PPARGC1A: variants seen among roughly 807,000 people sequenced by gnomAD.
The protein encoded by PPARGC1A is peroxisome proliferator-activated receptor gamma coactivator 1-alpha.
A neutral mutation model predicts 88.7 loss-of-function variants in PPARGC1A; 25 were observed. The observed-to-expected ratio is 0.28, with a 90% CI of 0.21 to 0.39. PPARGC1A has a LOEUF of 0.39. Ranked by LOEUF, PPARGC1A falls within the 10% of genes least tolerant of loss-of-function variation. PPARGC1A has a pLI of 1.00. For synonymous variants in PPARGC1A, 363 were observed against 355.6 expected, an observed-to-expected ratio of 1.02 and a Z score of -0.24; for missense variants, 880 against 968.7, an observed-to-expected ratio of 0.91 and a Z score of 1.22.
chr4:24,114,494 G>A, the PPARGC1A span, among the ~76,000 whole-genome samples: 1 of 152,188 alleles, frequency 6.6e-6, no homozygotes, highest in Admixed American at 6.5e-5. Context: ...CAGACAGTGT[G>A]GTAAGTGAGT....
intron 2 of PPARGC1A, among the ~76,000 whole-genome samples, chr4:23,860,992 A>G (rs185487006): frequency 1.3e-5 from 2 of 152,184 alleles, no homozygotes; most frequent in Admixed American, 6.5e-5. Flanking sequence ...TCTTCATCCA[A>G]TCAGCAGTAC....
the PPARGC1A span, among the ~76,000 whole-genome samples, chr4:24,088,134 A>G: frequency 0.082 from 12,557 of 152,208 alleles, 588 homozygotes; most frequent in East Asian, 0.17. Flanking sequence ...GGATCACTTG[A>G]GCCCAGGAGT....
chr4:24,364,968 C>T, the PPARGC1A span, among the ~76,000 whole-genome samples: 1 of 151,866 alleles, frequency 6.6e-6, no homozygotes, highest in African/African-American at 2.4e-5. Context: ...TAACTCTCAC[C>T]ATATACCCAC....
the PPARGC1A span, among the ~76,000 whole-genome samples, chr4:24,311,417 C>T: frequency 2.7e-4 from 40 of 149,206 alleles, no homozygotes; most frequent in Non-Finnish European, 3.6e-4. Flanking sequence ...GGGTGGATCA[C>T]GAGGTCAGGA....
the PPARGC1A span, among the ~76,000 whole-genome samples, chr4:24,263,484 C>CAG: frequency 2.1e-5 from 3 of 144,940 alleles, no homozygotes; most frequent in Non-Finnish European, 4.6e-5. Context: ...CACACACACA[C>CAG]AGAGTTGACC....
At chr4:23,999,861 AG>A in the PPARGC1A span, among the ~76,000 whole-genome samples, 1 of 152,124 alleles carries the variant, frequency 6.6e-6, no homozygotes, top group Non-Finnish European at 1.5e-5. Context: ...CAGTTGGTGA[AG>A]GACTCCAACG....
the PPARGC1A span, among the ~76,000 whole-genome samples, chr4:23,935,476 TAATG>T: frequency 6.6e-6 from 1 of 152,314 alleles, no homozygotes; most frequent in Admixed American, 6.5e-5. Context: ...ATCATAATGA[TAATG>T]TTAGTAGATA....
chr4:24,042,951 GTT>G, the PPARGC1A span, among the ~76,000 whole-genome samples: 1 of 152,106 alleles, frequency 6.6e-6, no homozygotes, highest in African/African-American at 2.4e-5. Flanking sequence ...CTCCTTGATT[GTT>G]TTGGTGACTC....
chr4:24,467,030 GAGAA>G, the PPARGC1A span, among the ~76,000 whole-genome samples: 1 of 74,410 alleles, frequency 1.3e-5, no homozygotes, highest in South Asian at 4.9e-4. Flanking sequence ...AAGAAAGAAA[GAGAA>G]AGAGAGAGAG....
At chr4:24,177,600 C>A in the PPARGC1A span, among the ~76,000 whole-genome samples, 3 of 146,390 alleles carry the variant, frequency 2.0e-5, no homozygotes, top group South Asian at 2.1e-4. Context: ...GCACATGTAC[C>A]CTAGAACTTC....
At chr4:24,261,190 T>TG in the PPARGC1A span, among the ~76,000 whole-genome samples, 1 of 152,156 alleles carries the variant, frequency 6.6e-6, no homozygotes, top group African/African-American at 2.4e-5. Flanking sequence ...TGCCTTCCAT[T>TG]TTCTAGCCTT....
chr4:23,948,088 C>G, the PPARGC1A span, among the ~76,000 whole-genome samples: 2 of 152,162 alleles, frequency 1.3e-5, no homozygotes, highest in Admixed American at 1.3e-4. Context: ...CAGCCACACT[C>G]TTCTCCGACT....
chr4:23,830,642 A>G (rs1331783196), intron 3 of PPARGC1A, among the ~76,000 whole-genome samples: 3 of 152,192 alleles, frequency 2.0e-5, no homozygotes, highest in African/African-American at 7.2e-5. Flanking sequence ...GTGATAGGAG[A>G]GTAACAACCT....
chr4:24,136,848 G>A, the PPARGC1A span, among the ~76,000 whole-genome samples: 1 of 152,162 alleles, frequency 6.6e-6, no homozygotes, highest in African/African-American at 2.4e-5. Context: ...GGGGTCAGTG[G>A]CTCACGCCTG....
chr4:24,402,597 TG>T, the PPARGC1A span, among the ~76,000 whole-genome samples: 1 of 152,208 alleles, frequency 6.6e-6, no homozygotes, highest in Admixed American at 6.5e-5. Context: ...AGCCCAGAGC[TG>T]GGTCACAGTT....
chr4:24,465,887 T>G, the PPARGC1A span, among the ~76,000 whole-genome samples: 2 of 152,182 alleles, frequency 1.3e-5, no homozygotes, highest in Non-Finnish European at 2.9e-5. Flanking sequence ...TGTAACTATA[T>G]GTAGCACAAG....
At chr4:24,171,404 C>CA in the PPARGC1A span, among the ~76,000 whole-genome samples, 1,477 of 145,536 alleles carry the variant, frequency 0.01, 28 homozygotes, top group African/African-American at 0.033. Context: ...GACTCCATCT[C>CA]AAAAAAAAAA....
chr4:23,844,261 G>A (rs1727580661), intron 2 of PPARGC1A, among the ~76,000 whole-genome samples: 1 of 147,220 alleles, frequency 6.8e-6, no homozygotes, highest in African/African-American at 2.5e-5. Context: ...TGAGACAGGA[G>A]CAGTGAAAAT....
the PPARGC1A span, among the ~76,000 whole-genome samples, chr4:24,208,910 T>C: frequency 6.6e-6 from 1 of 151,880 alleles, no homozygotes; most frequent in East Asian, 1.9e-4. Flanking sequence ...ATGGGAAGAG[T>C]TGCTTAGAGA....
Sources: allele counts gnomAD v4.1 joint callset (sites outside exome capture counted in the v4.1 genomes callset), GRCh38; gene constraint gnomAD v4.1.1; transcripts MANE v1.5; gene names NCBI Gene and HGNC (gene_info 2026-07-23, HGNC 2026-07-21).